MED13: variants seen among roughly 807,000 people sequenced by gnomAD.
MED13 encodes the protein mediator complex subunit 13, also known as mediator of RNA polymerase II transcription subunit 13.
MED13 carries 23 observed loss-of-function variants against 225.2 expected under a neutral mutation model. The observed-to-expected ratio is 0.10, with a 90% confidence interval of 0.07 to 0.14. The LOEUF is 0.14. Among genes scored for constraint, MED13 ranks in the 10% least tolerant of loss-of-function variants. The pLI, the probability that MED13 is intolerant of heterozygous loss-of-function variation, is 1.00. For missense variants in MED13, 2,197 were observed against 2,594.5 expected, an observed-to-expected ratio of 0.85 and a Z score of 3.33; for synonymous variants, 942 against 889.2, an observed-to-expected ratio of 1.06 and a Z score of -1.06.
At chr17:62,037,902 G>A (rs910140202) in intron 3 of MED13, among the ~76,000 whole-genome samples, 12 of 141,614 alleles carry the variant, frequency 8.5e-5, no homozygotes, top group African/African-American at 2.9e-4. Context: ...ATTGCAGTGG[G>A]TTGAGATCTT....
chr17:62,007,891 C>T (rs889176576), intron 9 of MED13, among the ~76,000 whole-genome samples: 18 of 151,640 alleles, frequency 1.2e-4, no homozygotes, highest in African/African-American at 4.4e-4. Flanking sequence ...TGCTGGTGCG[C>T]ACCTATAGTC....
At chr17:61,973,398 T>C (rs934029303) in intron 16 of MED13, among the ~76,000 whole-genome samples, 1 of 152,306 alleles carries the variant, frequency 6.6e-6, no homozygotes, top group East Asian at 1.9e-4. Context: ...CTAAAAAGTA[T>C]ATTATCCATA....
chr17:62,033,469 G>A (rs1194225126), intron 5 of MED13, among the ~76,000 whole-genome samples: 1 of 152,210 alleles, frequency 6.6e-6, no homozygotes, highest in East Asian at 1.9e-4. Context: ...GTGAGCAGAT[G>A]TAACATACAC....
chr17:61,962,158 C>T (rs148147220), intron 21 of MED13, among the ~76,000 whole-genome samples: 1,926 of 152,000 alleles, frequency 0.013, 13 homozygotes, highest in Non-Finnish European at 0.021. Context: ...TGGTGGCATG[C>T]GCCTGTAGTC....
At position 62,058,537 on chromosome 17, in the gene MED13, A is replaced by G. The variant is rs181054724; in HGVS notation, c.301+4530T>C. Among the ~76,000 whole-genome samples, 242 of 151,166 alleles carry G rather than the reference A, an allele frequency of 1.6e-3. 5 individuals are homozygous for G. The East Asian group carries it at 0.034, about 21-fold the overall frequency. On this transcript the variant is annotated intron_variant, in intron 2 of 29. Transcript: ENST00000397786. ...CTTCATCTCAAAAAAAAAAAAAAAA[A>G]AAAAAGAAAGAAAGAAAGAAAAAAG...
At position 61,966,644 on chromosome 17, in the gene MED13, C is replaced by T. The variant is rs369528090; in HGVS notation, c.4199G>A (p.Arg1400Gln). The change falls in exon 19 of 30, where the codon CGA (arginine) becomes CAA (glutamine). Residue 1400 changes from arginine to glutamine, a missense_variant. Coordinates refer to ENST00000397786, the MANE Select transcript of MED13 (RefSeq NM_005121.3). ...AGAAACAGGTCTATGTTGACCTAATCGACAGGACTACAAATATACATACAG... is the reference window on the plus strand; with the variant it reads ...AGAAACAGGTCTATGTTGACCTAATTGACAGGACTACAAATATACATACAG... ...RDLTAIYESC[R>Q]LGQHRPVSRL... The T allele has an allele frequency of 3.1e-6, 5 of 1,594,152 alleles. No homozygotes were observed. Among genetic ancestry groups the T allele is most frequent in the South Asian group, 2.3e-5 (2 of 87,532 alleles).
chr17:62,002,196 C>T (rs980007419), intron 9 of MED13, among the ~76,000 whole-genome samples: 1 of 151,896 alleles, frequency 6.6e-6, no homozygotes, highest in African/African-American at 2.4e-5. Context: ...TGTTTAAATG[C>T]CATCAAAAGA....
At chr17:62,008,019 A>AAAAAAAAAAAAAAAAAAAAAAAAAAG in intron 9 of MED13, among the ~76,000 whole-genome samples, 1 of 127,374 alleles carries the variant, frequency 7.9e-6, no homozygotes, top group African/African-American at 4.5e-5. Context: ...ACTGTCTCAA[A>AAAAAAAAAAAAAAAAAAAAAAAAAAG]AAAAAAAAAA....
At chr17:61,983,473 A>G (rs903770277) in intron 15 of MED13, among the ~76,000 whole-genome samples, 1 of 152,192 alleles carries the variant, frequency 6.6e-6, no homozygotes, top group African/African-American at 2.4e-5. Flanking sequence ...ATGATTTTAG[A>G]GATGCTCATG....
In MED13 at chr17:61,946,469, C is replaced by T; in HGVS notation, c.6524G>A (p.Ter2175=). The T allele has an allele frequency of 6.2e-7, 1 of 1,612,134 alleles. No homozygotes were observed. The highest frequency in any genetic ancestry group is 8.5e-7 in the Non-Finnish European group (1 of 1,179,230). The change falls in exon 30 of 30, where the codon TGA becomes TAA. Residue 2175 remains the stop codon, a stop_retained_variant. Transcript: ENST00000397786. ...TTGCACAGTTCCATCAAATGAAGAT[C>T]ACAGCATATTCATAATAAAGTTATA... ...QLYNFIMNML[*]
rs114052555 is a variant in MED13, at chr17:62,029,000, T to C, written c.1283+541A>G. On this transcript the variant is annotated intron_variant, in intron 8 of 29. Coordinates refer to ENST00000397786, the MANE Select transcript of MED13 (RefSeq NM_005121.3). ...CCAAGATCCCCTCTCTACGAATTTT[T>C]TTTTCTTTTAATTAGCCAGGTGTGG... 2.2e-3 allele frequency among the ~76,000 whole-genome samples: 330 copies of C among 151,604 alleles called. 1 individual carries two copies. The highest frequency in any genetic ancestry group is 6.9e-3 in the Middle Eastern group (2 of 290).
intron 8 of MED13, among the ~76,000 whole-genome samples, chr17:62,026,702 C>T (rs909298828): frequency 6.6e-6 from 1 of 152,052 alleles, no homozygotes; most frequent in Non-Finnish European, 1.5e-5. Flanking sequence ...AGTCTCAGCC[C>T]AAAAGCTCCT....
Position 61,968,224 on chromosome 17 carries a change from G to A in MED13, c.4002C>T (p.Pro1334=). The A allele has an allele frequency of 1.2e-6, 2 of 1,614,010 alleles. No individual in the cohort carries two copies. The highest frequency in any genetic ancestry group is 1.1e-5 in the South Asian group (1 of 91,056). ...TDESPEPLPI[P]TFLLGYDYDY... ...CATAATCATAACCCAACAAAAATGT[G>A]GGGATTGGCAGTGGTTCTGGGGATT... Residue 1334 remains proline (P), a synonymous_variant, in exon 18 of 30, where the codon CCC becomes CCT. Transcript: ENST00000397786.
At chr17:62,059,267 TA>T (rs1245788285) in intron 2 of MED13, among the ~76,000 whole-genome samples, 1 of 152,158 alleles carries the variant, frequency 6.6e-6, no homozygotes, top group Non-Finnish European at 1.5e-5. Context: ...ACAAAGGAGC[TA>T]AGGGGGTTAA....
chr17:62,050,696 T>C (rs1205426276), intron 3 of MED13, among the ~76,000 whole-genome samples: 2 of 152,146 alleles, frequency 1.3e-5, no homozygotes, highest in Non-Finnish European at 1.5e-5. Flanking sequence ...GTTTGACTTC[T>C]TAAAACTACA....
intron 16 of MED13, among the ~76,000 whole-genome samples, chr17:61,978,959 G>A (rs2080180418): frequency 6.6e-6 from 1 of 152,056 alleles, no homozygotes; most frequent in African/African-American, 2.4e-5. Context: ...CACTGCCCAA[G>A]AACTAGAACA....
chr17:61,996,003 C>A (rs969992274), intron 9 of MED13, among the ~76,000 whole-genome samples: 2 of 152,122 alleles, frequency 1.3e-5, no homozygotes, highest in Non-Finnish European at 2.9e-5. Context: ...TCTGGTTCAA[C>A]ACAGCAACTA....
At chr17:62,048,516 C>T (rs1211480256) in intron 3 of MED13, among the ~76,000 whole-genome samples, 2 of 151,746 alleles carry the variant, frequency 1.3e-5, no homozygotes, top group Admixed American at 6.6e-5. Context: ...GAGGTCCACT[C>T]TTTGAAATGG....
At position 61,943,360 on chromosome 17, in the gene MED13, AAC is replaced by A. The variant is rs2079828956; in HGVS notation, c.*3106_*3107del. The A allele has an allele frequency of 6.6e-6, 1 of 152,610 alleles. No homozygotes were observed. 9.5% of individuals were successfully genotyped at this position (152,610 alleles called of 1,614,324 possible). ...TCAATTTGAACATTTTAAATAATGC[AAC>A]ATAGTATTCTGATATTACAGTATTA... is the stretch of plus-strand genomic sequence containing the variant. On this transcript the variant is annotated 3_prime_UTR_variant, in exon 30 of 30. Coordinates refer to ENST00000397786, the MANE Select transcript of MED13 (RefSeq NM_005121.3).
Sources: gnomAD v4.1 joint callset for allele counts (sites outside exome capture counted in the v4.1 genomes callset) on GRCh38, gnomAD v4.1.1 for gene constraint, MANE v1.5 for transcripts, NCBI Gene and HGNC (gene_info 2026-07-23, HGNC 2026-07-21) for gene names.